PHLDB2: variants seen among roughly 807,000 people sequenced by gnomAD.
PHLDB2 encodes the protein pleckstrin homology-like domain family B member 2.
PHLDB2 carries 71 observed loss-of-function variants against 123.6 expected under a neutral mutation model. The ratio of observed to expected loss-of-function variants is 0.57; its 90% CI spans 0.47 to 0.70. The LOEUF (loss-of-function observed/expected upper bound fraction) is 0.70. PHLDB2 is among the 30% of genes least tolerant of loss of function. The probability of loss-of-function intolerance (pLI) is 0.00; values close to 1 mark genes in which losing one functional copy is unlikely to be tolerated. For missense variants in PHLDB2, 1,446 were observed against 1,519.5 expected (o/e 0.95, Z 0.80); for synonymous variants, 547 against 541.6 (o/e 1.01, Z -0.14).
chr3:111,781,511 A>G (rs938113246), intron 1 of PHLDB2, among the ~76,000 whole-genome samples: 7 of 152,090 alleles, frequency 4.6e-5, no homozygotes, highest in African/African-American at 1.7e-4. Flanking sequence ...GCTTTTTATC[A>G]GCATCTCCCC....
intron 1 of PHLDB2, among the ~76,000 whole-genome samples, chr3:111,792,181 T>C (rs910340800): frequency 6.6e-6 from 1 of 152,244 alleles, no homozygotes; most frequent in Non-Finnish European, 1.5e-5. Context: ...CAGTATTTCT[T>C]GTAAGACCAG....
intron 1 of PHLDB2, among the ~76,000 whole-genome samples, chr3:111,753,638 A>G (rs2059826076): frequency 6.6e-6 from 1 of 152,130 alleles, no homozygotes; most frequent in African/African-American, 2.4e-5. Flanking sequence ...TGCTGTGCAG[A>G]AGCTCTTTAG....
At chr3:111,941,520 G>C (rs1347290894) in intron 8 of PHLDB2, among the ~76,000 whole-genome samples, 1 of 152,114 alleles carries the variant, frequency 6.6e-6, no homozygotes, top group African/African-American at 2.4e-5. Context: ...AAGAGGAAAG[G>C]GGAAGGCCTG....
chr3:111,802,358 C>G (rs1314809553), intron 1 of PHLDB2, among the ~76,000 whole-genome samples: 2 of 152,210 alleles, frequency 1.3e-5, no homozygotes, highest in East Asian at 3.8e-4. Flanking sequence ...AGAGCACTTT[C>G]CAAGAGCTTC....
In PHLDB2 at chr3:111,868,271, C is replaced by T. The variant is rs539285475; in HGVS notation, c.-15+8695C>T. On this transcript the variant is annotated intron_variant, in intron 1 of 17. Coordinates refer to ENST00000431670, the MANE Select transcript of PHLDB2 (RefSeq NM_001134438.2). Reference sequence around the variant, plus strand: ...CTAGGCTCAAGCAATCCTCATGCCTCGGCCTCCTGAAGTGCTGGGATTATG... The same window carrying T: ...CTAGGCTCAAGCAATCCTCATGCCTTGGCCTCCTGAAGTGCTGGGATTATG... Among the ~76,000 whole-genome samples, 61 of 152,328 alleles carry T rather than the reference C, an allele frequency of 4.0e-4. 1 individual carries two copies. The highest frequency in any genetic ancestry group is 1.3e-3 in the African/African-American group (56 of 41,572).
chr3:111,949,780 C>T (rs761261133), intron 10 of PHLDB2: 128 of 985,546 alleles, frequency 1.3e-4, no homozygotes, highest in Non-Finnish European at 1.5e-4. Flanking sequence ...TACATCAGCC[C>T]CATGGCCTGA....
At chr3:111,956,640 C>T (rs913385211) in intron 12 of PHLDB2, among the ~76,000 whole-genome samples, 1 of 152,076 alleles carries the variant, frequency 6.6e-6, no homozygotes, top group African/African-American at 2.4e-5. Flanking sequence ...CCATTATATG[C>T]GTGTTGGTCC....
In PHLDB2 at chr3:111,757,224, T is replaced by G. The variant is rs537569008; in HGVS notation, c.-49+24521T>G. Among the ~76,000 whole-genome samples, 783 of 152,336 alleles carry G rather than the reference T, an allele frequency of 5.1e-3. 29 individuals carry two copies. Among genetic ancestry groups the G allele is most frequent in the Admixed American group, 0.047 (721 of 15,300 alleles). On this transcript the variant is annotated intron_variant, in intron 1 of 17. Transcript: ENST00000393923. Reference sequence around the variant, plus strand: ...TTGCTAGACTGGGGAAGTTCTCCTGTATAATATCCTGCAGAGTGTTTTCCA... The same window carrying G: ...TTGCTAGACTGGGGAAGTTCTCCTGGATAATATCCTGCAGAGTGTTTTCCA...
chr3:111,896,491 C>A, intron 2 of PHLDB2, among the ~76,000 whole-genome samples: 1 of 152,148 alleles, frequency 6.6e-6, no homozygotes, highest in African/African-American at 2.4e-5. Context: ...GGATTACAGG[C>A]AGCTGCCACC....
chr3:111,842,205 T>C (rs1364272286), intron 1 of PHLDB2, among the ~76,000 whole-genome samples: 1 of 152,258 alleles, frequency 6.6e-6, no homozygotes, highest in Admixed American at 6.5e-5. Context: ...TCTTTAGCAG[T>C]GTTCACTTCT....
intron 1 of PHLDB2, among the ~76,000 whole-genome samples, chr3:111,757,363 TC>T (rs1296796034): frequency 1.3e-5 from 2 of 152,202 alleles, no homozygotes; most frequent in Non-Finnish European, 2.9e-5. Context: ...TATTCTTTTT[TC>T]TCTAAACTTC....
chr3:111,956,128 A>C (rs1210726699), intron 12 of PHLDB2, among the ~76,000 whole-genome samples: 1 of 152,196 alleles, frequency 6.6e-6, no homozygotes, highest in East Asian at 1.9e-4. Flanking sequence ...CTGGGAGTCA[A>C]GGCTGTAGTG....
At chr3:111,787,659 G>C (rs1342510878) in intron 1 of PHLDB2, among the ~76,000 whole-genome samples, 1 of 152,054 alleles carries the variant, frequency 6.6e-6, no homozygotes, top group Non-Finnish European at 1.5e-5. Context: ...CTCTGCTTCT[G>C]ACCTGCCTTT....
chr3:111,787,762 A>G (rs1274735488), intron 1 of PHLDB2, among the ~76,000 whole-genome samples: 3 of 151,924 alleles, frequency 2.0e-5, no homozygotes, highest in African/African-American at 7.3e-5. Flanking sequence ...AGAAAGGACC[A>G]CCCCGGGGTC....
chr3:111,797,847 T>C (rs2061224235), intron 1 of PHLDB2, among the ~76,000 whole-genome samples: 1 of 152,140 alleles, frequency 6.6e-6, no homozygotes, highest in African/African-American at 2.4e-5. Flanking sequence ...TGTAGAGAAA[T>C]AGGGTAGGGT....
At chr3:111,784,607 G>A (rs762257152) in intron 1 of PHLDB2, among the ~76,000 whole-genome samples, 7 of 152,106 alleles carry the variant, frequency 4.6e-5, no homozygotes, top group African/African-American at 7.2e-5. Flanking sequence ...GGGATTATTT[G>A]TTCAGTATAA....
rs1559855023 is a variant in PHLDB2, at chr3:111,830,969, GAAAGAAAGAAAGAA to G, written c.-48-14850_-48-14837del. Among the ~76,000 whole-genome samples the G allele has an allele frequency of 9.9e-5, 3 of 30,388 alleles. 1 individual carries two copies. Among genetic ancestry groups the G allele is most frequent in the African/African-American group, 5.8e-4 (3 of 5,134 alleles). 19.9% of individuals were successfully genotyped at this position (30,388 alleles called of 152,430 possible). On this transcript the variant is annotated intron_variant, in intron 1 of 17. Coordinates refer to the PHLDB2 transcript ENST00000393923. ...AAAGAAAGAAAGAGAAAGAAAGAAA[GAAAGAAAGAAAGAA>G]AGAAAGAAAGAAAGAAAGAAAGAAA...
rs2064669558 is a variant in PHLDB2, at chr3:111,859,297, T to C, written c.-294T>C. ...TGCTGCGAACGTAGCTTTGAGAAGC[T>C]GGCGCCCAGTGATGGGGCAAACAGC... On this transcript the variant is annotated 5_prime_UTR_variant, in exon 1 of 18. Coordinates refer to ENST00000431670, the MANE Select transcript of PHLDB2 (RefSeq NM_001134438.2). The C allele has an allele frequency of 1.3e-5, 13 of 985,534 alleles. No homozygotes were observed. The highest frequency in any genetic ancestry group is 1.6e-5 in the Non-Finnish European group (13 of 829,968). The allele number at this position is 985,534 out of a possible 1,614,324, so 61.0% of individuals were successfully genotyped here.
At chr3:111,754,749 C>T (rs1182163720) in intron 1 of PHLDB2, among the ~76,000 whole-genome samples, 17 of 148,140 alleles carry the variant, frequency 1.1e-4, no homozygotes, top group Non-Finnish European at 2.5e-4. Flanking sequence ...GGGAATGCTT[C>T]CAGTTTTTGC....
Sources: allele counts gnomAD v4.1 joint callset (sites outside exome capture counted in the v4.1 genomes callset), GRCh38; gene constraint gnomAD v4.1.1; transcripts MANE v1.5; gene names NCBI Gene and HGNC (gene_info 2026-07-23, HGNC 2026-07-21).